Variants in PABPC1L observed in about 807,000 individuals in gnomAD.
PABPC1L encodes poly(A) binding protein cytoplasmic 1 like, also known as polyadenylate-binding protein 1-like.
PABPC1L carries 31 observed loss-of-function variants against 66.6 expected under a neutral mutation model. The observed-to-expected ratio is 0.47, with a 90% CI of 0.35 to 0.63. The LOEUF (loss-of-function observed/expected upper bound fraction) is 0.63. Ranked by LOEUF, PABPC1L falls within the 20% of genes least tolerant of loss-of-function variation. The pLI, the probability that PABPC1L is intolerant of heterozygous loss-of-function variation, is 0.00. For missense variants in PABPC1L, 722 were observed against 848.8 expected, an observed-to-expected ratio of 0.85 and a Z score of 1.86; for synonymous variants, 348 against 335.1, an observed-to-expected ratio of 1.04 and a Z score of -0.42.
At chr20:44,921,230 A>T (rs1385681115) in intron 5 of PABPC1L, among the ~76,000 whole-genome samples, 1 of 146,680 alleles carries the variant, frequency 6.8e-6, no homozygotes. Context: ...GCTCACCGCA[A>T]CCTCCACCTC....
At chr20:44,921,463 C>G in intron 5 of PABPC1L, 131 bp from the exon 6 acceptor site, 1 of 1,338,070 alleles carries the variant, frequency 7.5e-7, no homozygotes, top group Non-Finnish European at 1.0e-6. Context: ...TGGCCTTTGT[C>G]CTGGTACTGA....
At chr20:44,911,164 AAATAAAT>A (rs765702390) in intron 1 of PABPC1L, among the ~76,000 whole-genome samples, 16 of 149,392 alleles carry the variant, frequency 1.1e-4, no homozygotes, top group Non-Finnish European at 4.4e-5. Context: ...ATAAATAAAT[AAATAAAT>A]AAATAAATAA....
At chr20:44,922,644 T>C (rs1211419270) in intron 6 of PABPC1L, among the ~76,000 whole-genome samples, 1 of 152,208 alleles carries the variant, frequency 6.6e-6, no homozygotes, top group East Asian at 1.9e-4. Flanking sequence ...GTTATGGGAT[T>C]ACAGGCATGA....
intron 2 of PABPC1L, among the ~76,000 whole-genome samples, 178 bp from the exon 3 acceptor site, chr20:44,916,578 T>C (rs1437998191): frequency 6.6e-6 from 1 of 152,234 alleles, no homozygotes; most frequent in Non-Finnish European, 1.5e-5. Context: ...CCAGCCTTCC[T>C]TAATCCGTTA....
chr20:44,935,994 G>C (rs2066898111), intron 11 of PABPC1L, among the ~76,000 whole-genome samples: 1 of 151,882 alleles, frequency 6.6e-6, no homozygotes, highest in South Asian at 2.1e-4. Flanking sequence ...TTTTGGACAG[G>C]GTCTTTTTTT....
At chr20:44,939,038 G>C in intron 14 of PABPC1L, 88 bp from the exon 15 acceptor site, 1 of 712,556 alleles carries the variant, frequency 1.4e-6, no homozygotes, top group Non-Finnish European at 2.6e-6. Flanking sequence ...CTGCCTGAAG[G>C]CCTGGCCAGG....
At chr20:44,911,749 C>A (rs1278190374) in intron 1 of PABPC1L, among the ~76,000 whole-genome samples, 1 of 152,200 alleles carries the variant, frequency 6.6e-6, no homozygotes, top group African/African-American at 2.4e-5. Flanking sequence ...CATCTTCCTC[C>A]AAGCCCTGTG....
chr20:44,933,246 A>T, intron 10 of PABPC1L, 61 bp downstream of exon 10: 1 of 1,380,372 alleles, frequency 7.2e-7, no homozygotes, highest in Non-Finnish European at 1.0e-6. Context: ...AGGAGTCAGG[A>T]CCAGCCTCCA....
rs772305636 is a variant in PABPC1L, at chr20:44,910,215, G to A, written c.72G>A (p.Glu24=). The A allele has an allele frequency of 2.5e-6, 4 of 1,579,558 alleles. No homozygotes were observed. In the South Asian group the frequency reaches 4.6e-5, roughly 18 times the overall value. The change falls in exon 1 of 15, where the codon GAG becomes GAA. Residue 24 remains glutamate (E), a synonymous_variant. Transcript: ENST00000217073. The part of the protein sequence containing the change: ...YVGDLHPDVT[E]AMLYEKFSPA... ...GCGATCTGCACCCCGACGTGACCGA[G>A]GCCATGCTCTATGAGAAGTTCTCTC...
chr20:44,911,628 G>T (rs2066705524), intron 1 of PABPC1L, among the ~76,000 whole-genome samples: 1 of 152,172 alleles, frequency 6.6e-6, no homozygotes, highest in South Asian at 2.1e-4. Flanking sequence ...CTGAGTGGGT[G>T]GTTTGCTAGG....
rs1345371481 is a variant in PABPC1L at position 44,930,576 on chromosome 20, C to G, written c.1089C>G (p.Leu363=). The change falls in exon 8 of 15, where the codon CTC becomes CTG. Residue 363 remains leucine, a synonymous_variant. Coordinates refer to ENST00000217073, the MANE Select transcript of PABPC1L (RefSeq NM_001372179.1). ...GGCGCATCGTGGGCACCAAGCCACT[C>G]TACGTGGCACTGGCCCAGCGCAAAG... ...MNGRIVGTKP[L]YVALAQRKEE... 2 of 1,614,260 alleles carry G rather than the reference C, an allele frequency of 1.2e-6. No homozygotes were observed. Among genetic ancestry groups the G allele is most frequent in the East Asian group, 2.2e-5 (1 of 44,880 alleles).
chr20:44,920,284 C>T (rs1297400251), intron 5 of PABPC1L, among the ~76,000 whole-genome samples: 2 of 152,138 alleles, frequency 1.3e-5, no homozygotes, highest in African/African-American at 2.4e-5. Context: ...GTGCCCTAAA[C>T]ATCCCCTGTG....
rs371180880 is a variant in PABPC1L, at chr20:44,935,678, A to G, written c.1566+181A>G. 2.0e-5 allele frequency among the ~76,000 whole-genome samples: 3 copies of G among 152,274 alleles called. No homozygotes were observed. In the South Asian group the frequency reaches 6.2e-4, roughly 32 times the overall value. On this transcript the variant is annotated intron_variant, in intron 11 of 14. Coordinates refer to ENST00000217073, the MANE Select transcript of PABPC1L (RefSeq NM_001372179.1). ...GAGAAGGGGAAAGAGGGCCAGCATT[A>G]CGTTTTATTTACAATTTGTTTTGCT...
At chr20:44,924,279 G>A (rs2145567219) in intron 7 of PABPC1L, 23 bp downstream of exon 7, 1 of 1,557,982 alleles carries the variant, frequency 6.4e-7, no homozygotes, top group Middle Eastern at 1.7e-4. Flanking sequence ...GGCACCTCCG[G>A]GGGACAGCGT....
chr20:44,916,784 G>C lies in PABPC1L; in HGVS notation c.416G>C (p.Gly139Ala), dbSNP rs2066740627. Residue 139 changes from glycine (G) to alanine (A), a missense_variant, in exon 3 of 15, where the codon GGT becomes GCT. Gly to Ala is a moderately conservative substitution (Grantham distance 60). Transcript: ENST00000217073. ...GCGTGTGACGAGCATGGCTCCCGGG[G>C]TTTCGGCTTTGTCCATTTTGAGACC... ...KVACDEHGSR[G>A]FGFVHFETHE... The C allele has an allele frequency of 1.2e-6, 2 of 1,614,184 alleles. No individual in the cohort carries two copies. The highest frequency in any genetic ancestry group is 8.5e-7 in the Non-Finnish European group (1 of 1,180,030).
At chr20:44,924,353 C>T in intron 7 of PABPC1L, 97 bp downstream of exon 7, 1 of 964,414 alleles carries the variant, frequency 1.0e-6, no homozygotes, top group Non-Finnish European at 1.6e-6. Context: ...CGCCCAGCAG[C>T]CTTCAGGGGG....
At chr20:44,927,644 C>T (rs976696701) in intron 7 of PABPC1L, among the ~76,000 whole-genome samples, 3 of 152,118 alleles carry the variant, frequency 2.0e-5, no homozygotes, top group Admixed American at 6.6e-5. Flanking sequence ...CCACTGTGCC[C>T]GGCCCTTTGG....
Position 44,930,633 on chromosome 20 carries a change from C to G in PABPC1L, c.1146C>G (p.Tyr382Ter), listed in dbSNP as rs370421458. 6.2e-7 allele frequency: 1 copy of G among 1,614,250 alleles called. No homozygotes were observed. The highest frequency in any genetic ancestry group is 2.2e-5 in the East Asian group (1 of 44,880). The change falls in exon 8 of 15, where the codon TAC becomes TAG. Residue 382 changes from tyrosine (Y) to a stop codon, truncating the protein, a stop_gained. Transcript: ENST00000217073. LOFTEE classifies it high-confidence loss of function. Reference protein sequence around the residue: ...EERKAILTNQYMQRLSTMRTL... With the variant: ...EERKAILTNQ ...GGAAGGCCATCTTGACCAACCAGTACATGCAGCGCCTCTCCACCATGCGGA... is the reference window on the plus strand; with the variant it reads ...GGAAGGCCATCTTGACCAACCAGTAGATGCAGCGCCTCTCCACCATGCGGA...
intron 7 of PABPC1L, among the ~76,000 whole-genome samples, chr20:44,927,641 G>A (rs1257668755): frequency 1.3e-5 from 2 of 152,118 alleles, no homozygotes; most frequent in Non-Finnish European, 2.9e-5. Flanking sequence ...GAGCCACTGT[G>A]CCCGGCCCTT....
Sources: allele counts gnomAD v4.1 joint callset (sites outside exome capture counted in the v4.1 genomes callset), GRCh38; gene constraint gnomAD v4.1.1; transcripts MANE v1.5; gene names NCBI Gene and HGNC (gene_info 2026-07-23, HGNC 2026-07-21).